The following CDH13 variants were observed in gnomAD, a reference collection of about 807,000 sequenced individuals.
The protein encoded by CDH13 is cadherin-13.
A neutral mutation model predicts 63.8 loss-of-function variants in CDH13; 24 were observed. That is an observed-to-expected ratio of 0.38 (90% CI 0.27 to 0.53). The LOEUF (loss-of-function observed/expected upper bound fraction) is 0.53, where lower values mean the gene tolerates loss of function less well. Ranked by LOEUF, CDH13 falls within the 20% of genes least tolerant of loss-of-function variation. The pLI, the probability that CDH13 is intolerant of heterozygous loss-of-function variation, is 0.85. For missense variants in CDH13, 1,049 were observed against 903.1 expected, an observed-to-expected ratio of 1.16 and a Z score of -2.07; for synonymous variants, 503 against 355.3, an observed-to-expected ratio of 1.42 and a Z score of -4.67.
intron 1 of CDH13, among the ~76,000 whole-genome samples, chr16:82,689,364 A>T (rs1197432814): frequency 6.6e-6 from 1 of 152,170 alleles, no homozygotes; most frequent in African/African-American, 2.4e-5. Context: ...ATCCACTCTT[A>T]CAGAAAGCCA....
chr16:82,798,542 C>T (rs527656305), intron 1 of CDH13, among the ~76,000 whole-genome samples: 4 of 152,210 alleles, frequency 2.6e-5, no homozygotes, highest in African/African-American at 2.4e-5. Flanking sequence ...TAGGGTGAGC[C>T]GTAAATACAG....
intron 4 of CDH13, among the ~76,000 whole-genome samples, chr16:83,145,847 C>A (rs942584855): frequency 6.6e-6 from 1 of 152,082 alleles, no homozygotes; most frequent in Non-Finnish European, 1.5e-5. Flanking sequence ...GTAGAATGAT[C>A]AGAGATCTCT....
At chr16:83,326,787 G>C (rs1005564943) in intron 5 of CDH13, among the ~76,000 whole-genome samples, 4 of 152,202 alleles carry the variant, frequency 2.6e-5, no homozygotes, top group Non-Finnish European at 2.9e-5. Flanking sequence ...CACTGTGCCA[G>C]GAGAGTCTAG....
In CDH13 at chr16:82,627,191, C is replaced by A. The variant is rs759137578; in HGVS notation, c.45+54C>A. The A allele has an allele frequency of 3.4e-5, 51 of 1,500,974 alleles. No homozygotes were observed. The East Asian group carries it at 9.2e-4, about 27-fold the overall frequency. 93.0% of individuals were successfully genotyped at this position (1,500,974 alleles called of 1,614,324 possible). On this transcript the variant is annotated intron_variant, in intron 1 of 13. Coordinates refer to ENST00000567109, the MANE Select transcript of CDH13 (RefSeq NM_001257.5). ...CTGCGCCCCGTTTCTGCATTCGGATCGCCCGGCACGGGCAGGGTGAGGGGG... is the reference window on the plus strand; with the variant it reads ...CTGCGCCCCGTTTCTGCATTCGGATAGCCCGGCACGGGCAGGGTGAGGGGG...
rs139925869 is a variant in CDH13, at chr16:83,610,541, G to A, written c.1101+7947G>A. On this transcript the variant is annotated intron_variant, in intron 8 of 13. Transcript: ENST00000567109. The stretch of plus-strand genomic sequence containing the variant: ...TCGGTAAAACAGCTCCTCTCCTGAC[G>A]TCTTTCACTATAAACTAATTTTTTT... Among the ~76,000 whole-genome samples, 859 of 152,208 alleles carry A rather than the reference G, an allele frequency of 5.6e-3. 4 individuals are homozygous for A. Among genetic ancestry groups the A allele is most frequent in the Non-Finnish European group, 9.7e-3 (661 of 68,006 alleles).
intron 5 of CDH13, among the ~76,000 whole-genome samples, chr16:83,290,593 A>G (rs373899372): frequency 7.9e-5 from 12 of 152,194 alleles, no homozygotes; most frequent in East Asian, 3.9e-4. Context: ...TTTATAAATT[A>G]TGCAGTCTCA....
chr16:83,079,301 C>T (rs564456443), intron 3 of CDH13, among the ~76,000 whole-genome samples: 5 of 152,092 alleles, frequency 3.3e-5, no homozygotes, highest in Admixed American at 6.5e-5. Flanking sequence ...CTTTTATTAA[C>T]CTTGCCTTCT....
intron 5 of CDH13, among the ~76,000 whole-genome samples, chr16:83,333,032 A>G (rs144928767): frequency 3.0e-3 from 460 of 152,278 alleles, no homozygotes; most frequent in Non-Finnish European, 5.7e-3. Context: ...TAACCTAACA[A>G]GTAGGAAACT....
chr16:82,663,813 C>G (rs952813691), intron 1 of CDH13, among the ~76,000 whole-genome samples: 3 of 152,176 alleles, frequency 2.0e-5, no homozygotes, highest in Non-Finnish European at 2.9e-5. Flanking sequence ...CTTTGTGATC[C>G]TCTTCTAGGA....
rs189068258 is a variant in CDH13, at chr16:83,298,322, G to T, written c.637-46540G>T. ...AAGAAGTGAGGGAGGGAACATCAGT[G>T]CAGGTAAAATATTATTTTTCTTAGA... is the stretch of plus-strand genomic sequence containing the variant. On this transcript the variant is annotated intron_variant, in intron 5 of 13. Coordinates refer to ENST00000567109, the MANE Select transcript of CDH13 (RefSeq NM_001257.5). Among the ~76,000 whole-genome samples, 222 of 152,196 alleles carry T rather than the reference G, an allele frequency of 1.5e-3. 2 individuals are homozygous for T. The highest frequency in any genetic ancestry group is 0.014 in the Admixed American group (207 of 15,278).
chr16:82,760,916 G>C (rs550796588), intron 1 of CDH13, among the ~76,000 whole-genome samples: 1 of 151,516 alleles, frequency 6.6e-6, no homozygotes, highest in Non-Finnish European at 1.5e-5. Context: ...ACTCATGATC[G>C]CAGGGTTGGC....
chr16:82,964,187 C>G (rs935660429), intron 2 of CDH13, among the ~76,000 whole-genome samples: 50 of 152,310 alleles, frequency 3.3e-4, no homozygotes, highest in African/African-American at 1.2e-3. Flanking sequence ...ATAAAACAAT[C>G]TCAATGGTGG....
intron 4 of CDH13, among the ~76,000 whole-genome samples, chr16:83,213,065 C>A (rs1312280339): frequency 6.6e-6 from 1 of 152,134 alleles, no homozygotes; most frequent in Non-Finnish European, 1.5e-5. Context: ...GCAGCCACAT[C>A]CTTAAGAACA....
At chr16:83,018,456 G>A (rs900178626) in intron 2 of CDH13, among the ~76,000 whole-genome samples, 62 of 152,288 alleles carry the variant, frequency 4.1e-4, no homozygotes, top group South Asian at 1.0e-3. Flanking sequence ...CCAGTTGTAA[G>A]AGACATCATT....
At chr16:83,480,577 G>A (rs749249520) in intron 6 of CDH13, among the ~76,000 whole-genome samples, 1 of 152,170 alleles carries the variant, frequency 6.6e-6, no homozygotes, top group Non-Finnish European at 1.5e-5. Flanking sequence ...CTGTGTCCCA[G>A]GCACTACAGT....
At chr16:83,355,808 C>T (rs1046593621) in intron 6 of CDH13, among the ~76,000 whole-genome samples, 3 of 152,160 alleles carry the variant, frequency 2.0e-5, no homozygotes, top group African/African-American at 4.8e-5. Context: ...CACAGGGGAG[C>T]ATCTCTCTAG....
intron 5 of CDH13, among the ~76,000 whole-genome samples, chr16:83,338,000 T>G (rs913248869): frequency 6.6e-6 from 1 of 151,510 alleles, no homozygotes; most frequent in African/African-American, 2.4e-5. Flanking sequence ...GGAATGTGAG[T>G]GTTACAGTCG....
Position 83,383,910 on chromosome 16 carries a change from G to A in CDH13, c.781+38904G>A, listed in dbSNP as rs1445664164. Among the ~76,000 whole-genome samples, 19 of 152,076 alleles carry A rather than the reference G, an allele frequency of 1.2e-4. 1 individual carries two copies. Among genetic ancestry groups the A allele is most frequent in the Admixed American group, 1.0e-3 (16 of 15,270 alleles). On this transcript the variant is annotated intron_variant, in intron 6 of 13. Coordinates refer to ENST00000567109, the MANE Select transcript of CDH13 (RefSeq NM_001257.5). ...GCTGCTGGAGTGTCACTGCTGCTAG[G>A]TCCTTTCAGCAGACAGAGCAATGAT...
chr16:83,728,333 A>G (rs117233192), intron 10 of CDH13, among the ~76,000 whole-genome samples: 3 of 46,896 alleles, frequency 6.4e-5, no homozygotes, highest in East Asian at 2.7e-4. Flanking sequence ...GTGTATGTGT[A>G]TGTGTGTGCG....
Sources: allele counts gnomAD v4.1 joint callset (sites outside exome capture counted in the v4.1 genomes callset), GRCh38; gene constraint gnomAD v4.1.1; transcripts MANE v1.5; gene names NCBI Gene and HGNC (gene_info 2026-07-23, HGNC 2026-07-21).